RASAL3: variants seen among roughly 807,000 people sequenced by gnomAD.
RASAL3 encodes the protein RAS protein activator like-3.
RASAL3 carries 74 observed loss-of-function variants against 105.5 expected under a neutral mutation model. The ratio of observed to expected loss-of-function variants is 0.70; its 90% CI spans 0.58 to 0.85. The LOEUF (loss-of-function observed/expected upper bound fraction) is 0.85. RASAL3 is among the 40% of genes least tolerant of loss of function. The pLI, the probability that RASAL3 is intolerant of heterozygous loss-of-function variation, is 0.00. For missense variants in RASAL3, 1,352 were observed against 1,392.0 expected, an observed-to-expected ratio of 0.97 and a Z score of 0.46; for synonymous variants, 579 against 591.6, an observed-to-expected ratio of 0.98 and a Z score of 0.31.
chr19:15,456,318 C>T lies in RASAL3; in HGVS notation c.1577-70G>A. On this transcript the variant is annotated intron_variant, in intron 10 of 17. Coordinates refer to ENST00000343625, the MANE Select transcript of RASAL3 (RefSeq NM_022904.3). The surrounding 1 kb of genome is among the most constrained non-coding windows in gnomAD (Gnocchi z 4.4). ...AAAACCTGCCACACCCATCCTCCAA[C>T]CTTGTCTTCAGGTTATTCCGGAGGC... The T allele has an allele frequency of 6.3e-7, 1 of 1,585,716 alleles. No homozygotes were observed. Among genetic ancestry groups the T allele is most frequent in the Non-Finnish European group, 8.6e-7 (1 of 1,162,620 alleles).
In RASAL3 at chr19:15,464,094, G is replaced by A. The variant is rs1386809762; in HGVS notation, c.265C>T (p.Leu89Phe). Reference sequence around the variant, plus strand: ...GGTGGGTTCTTATGCCTCCCCCAGAGGGCCTTGGAGAGTCGAAGGCGACTG... The same window carrying A: ...GGTGGGTTCTTATGCCTCCCCCAGAAGGCCTTGGAGAGTCGAAGGCGACTG... ...RTSRLRLSKALWGRHKNPPPE... is the reference protein window; with the variant it reads ...RTSRLRLSKAFWGRHKNPPPE... Residue 89 changes from leucine (L) to phenylalanine (F), a missense_variant, in exon 2 of 18, where the codon CTC becomes TTC. Around this residue, in one of 3 missense-constraint regions of RASAL3, gnomAD observed 344 missense variants for 339.6 expected, o/e 1.01. Coordinates refer to ENST00000343625, the MANE Select transcript of RASAL3 (RefSeq NM_022904.3). The A allele has an allele frequency of 1.9e-6, 3 of 1,608,214 alleles. No individual in the cohort carries two copies. The highest frequency in any genetic ancestry group is 2.5e-6 in the Non-Finnish European group (3 of 1,176,528).
At position 15,463,125 on chromosome 19, in the gene RASAL3, G is replaced by A. The variant is rs535179193; in HGVS notation, c.328+906C>T. ...CATTGAGATGGAGTCTCCCTCTGTCGCCCAGGCGGGAGTGCAGTAGTGCAA... is the reference window on the plus strand; with the variant it reads ...CATTGAGATGGAGTCTCCCTCTGTCACCCAGGCGGGAGTGCAGTAGTGCAA... On this transcript the variant is annotated intron_variant, in intron 2 of 17. Coordinates refer to ENST00000343625, the MANE Select transcript of RASAL3 (RefSeq NM_022904.3). Among the ~76,000 whole-genome samples, 4 of 143,500 alleles carry A rather than the reference G, an allele frequency of 2.8e-5. No homozygotes were observed. In the East Asian group the frequency reaches 6.2e-4, roughly 22 times the overall value. 94.1% of individuals were successfully genotyped at this position (143,500 alleles called of 152,430 possible).
In RASAL3 at chr19:15,463,835, C is replaced by G. The variant is rs74835216; in HGVS notation, c.328+196G>C. 6.1e-3 allele frequency among the ~76,000 whole-genome samples: 933 copies of G among 152,302 alleles called. 2 individuals are homozygous for G. The highest frequency in any genetic ancestry group is 0.021 in the African/African-American group (883 of 41,562). ...CTTCCTCAGATGGACCCTCTGCCCA[C>G]AGGACCCCGGCAACTCCTCCTACCC... On this transcript the variant is annotated intron_variant, in intron 2 of 17. Transcript: ENST00000343625.
intron 6 of RASAL3, 95 bp downstream of exon 6, chr19:15,460,108 G>T (rs776061461): frequency 1.4e-5 from 15 of 1,041,150 alleles, no homozygotes; most frequent in African/African-American, 1.3e-4. Context: ...GAGGCCACAG[G>T]GGGTGTTTGG....
At chr19:15,452,463 G>A in intron 16 of RASAL3, 195 bp downstream of exon 16, 1 of 609,466 alleles carries the variant, frequency 1.6e-6, no homozygotes, top group Non-Finnish European at 2.9e-6. Context: ...AGGGTCCTAG[G>A]CCGACCTTCG....
rs944953328 is a variant in RASAL3 at position 15,457,440 on chromosome 19, G to C, written c.1283C>G (p.Pro428Arg). The change falls in exon 9 of 18, where the codon CCG (proline) becomes CGG (arginine). Residue 428 changes from proline (P) to arginine (R), a missense_variant. Pro to Arg is a moderately radical substitution (Grantham distance 103). Transcript: ENST00000343625. The surrounding 1 kb of genome is among the most constrained non-coding windows in gnomAD (Gnocchi z 8.6). ...RIRARRLRVL[P>R]SERYKELAEF... ...CGCCAGCTCCTTGTAGCGCTCGGAC[G>C]GCAGCACGCGCAGGCGACGCGCCCG... 3 of 1,422,662 alleles carry C rather than the reference G, an allele frequency of 2.1e-6. No homozygotes were observed. The highest frequency in any genetic ancestry group is 1.5e-5 in the African/African-American group (1 of 65,614). The allele number at this position is 1,422,662 out of a possible 1,614,324, so 88.1% of individuals were successfully genotyped here. A position where few individuals can be genotyped will look rare whatever the true frequency, so the allele number is the denominator to read the frequency against.
rs200240643 is a variant in RASAL3, at chr19:15,454,659, G to A, written c.1956C>T (p.Ala652=). ...ACCCCTAGCTTCCCAGCACCTACGG[G>A]GCACGGTTGGCGAGGTTCTGGATGA... The part of the protein sequence containing the change: ...AKVIQNLANR[A]PFGEKEAYMG... The change falls in exon 12 of 18, where the codon GCC becomes GCT. Residue 652 remains alanine (A), a splice_region_variant and synonymous_variant. Coordinates refer to ENST00000343625, the MANE Select transcript of RASAL3 (RefSeq NM_022904.3). 1.5e-4 allele frequency: 247 copies of A among 1,609,552 alleles called. 2 individuals carry two copies. Among genetic ancestry groups the A allele is most frequent in the Middle Eastern group, 1.2e-3 (7 of 6,070 alleles).
intron 16 of RASAL3, 109 bp downstream of exon 16, chr19:15,452,549 G>T: frequency 1.0e-6 from 1 of 995,464 alleles, no homozygotes. Context: ...GGGCCAGGGT[G>T]GGGCTTGGCC....
rs1488139252 is a variant in RASAL3 at position 15,456,315 on chromosome 19, C to T, written c.1577-67G>A. 6 of 1,587,186 alleles carry T rather than the reference C, an allele frequency of 3.8e-6. No individual in the cohort carries two copies. Among genetic ancestry groups the T allele is most frequent in the Non-Finnish European group, 5.2e-6 (6 of 1,163,372 alleles). On this transcript the variant is annotated intron_variant, in intron 10 of 17. Coordinates refer to ENST00000343625, the MANE Select transcript of RASAL3 (RefSeq NM_022904.3). This position sits in a 1 kb window ranked among gnomAD's most constrained non-coding sequence, Gnocchi z 4.4. Reference sequence around the variant, plus strand: ...ACCAAAACCTGCCACACCCATCCTCCAACCTTGTCTTCAGGTTATTCCGGA... The same window carrying T: ...ACCAAAACCTGCCACACCCATCCTCTAACCTTGTCTTCAGGTTATTCCGGA...
rs1345776245 is a variant in RASAL3, at chr19:15,456,153, G to T, written c.1672C>A (p.Leu558Ile). 6.2e-7 allele frequency: 1 copy of T among 1,613,868 alleles called. No homozygotes were observed. Among genetic ancestry groups the T allele is most frequent in the Non-Finnish European group, 8.5e-7 (1 of 1,179,844 alleles). Reference sequence around the variant, plus strand: ...AAGACCTCCTCGCAGCTGTTCCGAAGTCTGGCCTGGTGCTCTGGCAGCTCC... The same window carrying T: ...AAGACCTCCTCGCAGCTGTTCCGAATTCTGGCCTGGTGCTCTGGCAGCTCC... ...ASELPEHQAR[L>I]RNSCEEVFET... Residue 558 changes from leucine to isoleucine, a missense_variant, in exon 11 of 18, where the codon CTT becomes ATT. Physicochemically the swap from Leu to Ile is conservative, Grantham distance 5 (BLOSUM62 2). Around this residue, in one of 3 missense-constraint regions of RASAL3, gnomAD observed 920 missense variants for 919.6 expected, o/e 1.00. Coordinates refer to ENST00000343625, the MANE Select transcript of RASAL3 (RefSeq NM_022904.3). This position sits in a 1 kb window ranked among gnomAD's most constrained non-coding sequence, Gnocchi z 4.4.
At position 15,452,022 on chromosome 19, in the gene RASAL3, C is replaced by G. The variant is rs201303529; in HGVS notation, c.2892+23G>C. ...GCTCCTCCACCGCCCAGACCTGCCCCAGGGCTCAGATGGCAATCTCACCAG... is the reference window on the plus strand; with the variant it reads ...GCTCCTCCACCGCCCAGACCTGCCCGAGGGCTCAGATGGCAATCTCACCAG... On this transcript the variant is annotated intron_variant, in intron 17 of 17. Coordinates refer to ENST00000343625, the MANE Select transcript of RASAL3 (RefSeq NM_022904.3). The G allele has an allele frequency of 3.0e-5, 48 of 1,613,936 alleles. No homozygotes were observed. The African/African-American group carries it at 4.4e-4, about 15-fold the overall frequency.
In RASAL3 at chr19:15,454,813, G is replaced by C; in HGVS notation, c.1802C>G (p.Pro601Arg). The change falls in exon 12 of 18, where the codon CCC (proline) becomes CGC (arginine). Residue 601 changes from proline to arginine, a missense_variant. By Grantham distance (103) the Pro-to-Arg change is moderately radical (BLOSUM62 -2). Around this residue, in one of 3 missense-constraint regions of RASAL3, gnomAD observed 920 missense variants for 919.6 expected, o/e 1.00. Coordinates refer to ENST00000343625, the MANE Select transcript of RASAL3 (RefSeq NM_022904.3). ...CKERGSEVLG[P>R]RLVCASLFLR... Reference sequence around the variant, plus strand: ...GAAGAGGGAGGCGCACACCAGTCGGGGGCCCAGCACCTCAGAGCCACGTTC... The same window carrying C: ...GAAGAGGGAGGCGCACACCAGTCGGCGGCCCAGCACCTCAGAGCCACGTTC... 1 of 1,592,112 alleles carries C rather than the reference G, an allele frequency of 6.3e-7. No homozygotes were observed.
chr19:15,454,228 G>T lies in RASAL3; in HGVS notation c.2200C>A (p.Arg734=), dbSNP rs371843552. 5 of 1,567,486 alleles carry T rather than the reference G, an allele frequency of 3.2e-6. No homozygotes were observed. The South Asian group carries it at 5.9e-5, about 18-fold the overall frequency. The part of the protein sequence containing the change: ...DTLEPLPTIL[R]AIEEGQPVLV... Reference sequence around the variant, plus strand: ...ACAGGCTGGCCCTCCTCAATGGCTCGCAGGATGGTGGGCAGTGGTTCCAGG... The same window carrying T: ...ACAGGCTGGCCCTCCTCAATGGCTCTCAGGATGGTGGGCAGTGGTTCCAGG... Residue 734 remains arginine (R), a synonymous_variant, in exon 14 of 18, where the codon CGA becomes AGA. Transcript: ENST00000343625.
At position 15,456,451 on chromosome 19, in the gene RASAL3, G is replaced by T; in HGVS notation, c.1576+51C>A. 1 of 1,605,420 alleles carries T rather than the reference G, an allele frequency of 6.2e-7. No homozygotes were observed. The highest frequency in any genetic ancestry group is 8.5e-7 in the Non-Finnish European group (1 of 1,175,066). On this transcript the variant is annotated intron_variant, in intron 10 of 17. Coordinates refer to ENST00000343625, the MANE Select transcript of RASAL3 (RefSeq NM_022904.3). This position sits in a 1 kb window ranked among gnomAD's most constrained non-coding sequence, Gnocchi z 4.4. ...TCAAGGACTCTTAGAACTTCACCCA[G>T]GTCCCCTAGCTCACCAGCAGGCCGC...
Position 15,453,601 on chromosome 19 carries a change from CTTTT to C in RASAL3, c.2280-108_2280-105del. The C allele has an allele frequency of 3.1e-6, 3 of 966,968 alleles. No homozygotes were observed. The highest frequency in any genetic ancestry group is 2.8e-6 in the Non-Finnish European group (2 of 719,332). The allele number at this position is 966,968 out of a possible 1,614,324, so 59.9% of individuals were successfully genotyped here. ...CACCCCCCACGTGAACTTGTCCTTT[CTTTT>C]TTTTTTTTGAGACAAGGTCTTGCTC... On this transcript the variant is annotated intron_variant, in intron 14 of 17. Coordinates refer to ENST00000343625, the MANE Select transcript of RASAL3 (RefSeq NM_022904.3). This position sits in a 1 kb window ranked among gnomAD's most constrained non-coding sequence, Gnocchi z 4.2.
At chr19:15,461,398 A>T in intron 3 of RASAL3, 73 bp downstream of exon 3, 1 of 1,525,698 alleles carries the variant, frequency 6.6e-7, no homozygotes, top group South Asian at 1.2e-5. Flanking sequence ...TCCTCCCTCC[A>T]GCCCCTGCCT....
Position 15,456,280 on chromosome 19 carries a change from G to A in RASAL3, c.1577-32C>T, listed in dbSNP as rs1970316268. The A allele has an allele frequency of 1.2e-6, 2 of 1,604,436 alleles. No homozygotes were observed. Among genetic ancestry groups the A allele is most frequent in the Non-Finnish European group, 1.7e-6 (2 of 1,173,348 alleles). ...CCCAGCACAGCCAGATAGGGGCTGG[G>A]GCCATGACCACCAAAACCTGCCACA... is the stretch of plus-strand genomic sequence containing the variant. On this transcript the variant is annotated intron_variant, in intron 10 of 17. Transcript: ENST00000343625. This position sits in a 1 kb window ranked among gnomAD's most constrained non-coding sequence, Gnocchi z 4.4.
At chr19:15,460,946 C>G in intron 5 of RASAL3, 114 bp downstream of exon 5, 1 of 928,762 alleles carries the variant, frequency 1.1e-6, no homozygotes, top group Non-Finnish European at 1.7e-6. Context: ...ACTCTGAGGC[C>G]CAAAGAGGGT....
chr19:15,452,525 G>A (rs2145447242), intron 16 of RASAL3, 133 bp downstream of exon 16: 1 of 808,766 alleles, frequency 1.2e-6, no homozygotes, highest in Admixed American at 3.2e-5. Context: ...GGCCTGGACA[G>A]ACTTATTGGG....
Sources: gnomAD v4.1 joint callset for allele counts (sites outside exome capture counted in the v4.1 genomes callset) on GRCh38, gnomAD v4.1.1 for gene constraint, gnomAD v4.1.1 regional missense constraint, Gnocchi (gnomAD v3.1) non-coding constraint, MANE v1.5 for transcripts, NCBI Gene and HGNC (gene_info 2026-07-23, HGNC 2026-07-21) for gene names.